The following SAMD5 variants were observed in gnomAD, a reference collection of about 807,000 sequenced individuals.
The protein encoded by SAMD5 is sterile alpha motif domain containing 5, also known as sterile alpha motif domain-containing protein 5.
Under a neutral mutation model 11.3 loss-of-function variants are expected in SAMD5, and 13 were observed. The ratio of observed to expected loss-of-function variants is 1.15; its 90% CI spans 0.75 to 1.83. The LOEUF (loss-of-function observed/expected upper bound fraction) is 1.83. Among genes scored for constraint, SAMD5 ranks in the 40% most tolerant of loss-of-function variants. The pLI, the probability that SAMD5 is intolerant of heterozygous loss-of-function variation, is 0.00. For missense variants in SAMD5, 255 were observed against 239.1 expected (o/e 1.07, Z -0.44); for synonymous variants, 129 against 111.3 (o/e 1.16, Z -1.00).
chr6:147,708,036 A>G (rs1583147914), intron 1 of SAMD5, among the ~76,000 whole-genome samples: 1 of 152,088 alleles, frequency 6.6e-6, no homozygotes, highest in Admixed American at 6.5e-5. Flanking sequence ...AGGTGAGGCT[A>G]TTATACCTGT....
intron 1 of SAMD5, among the ~76,000 whole-genome samples, chr6:147,546,561 G>A (rs1788690965): frequency 6.9e-6 from 1 of 145,416 alleles, no homozygotes; most frequent in Admixed American, 7.0e-5. Context: ...AGGCCTGGAA[G>A]TGACTTCTGT....
At chr6:147,713,617 C>T (rs1254582415) in intron 1 of SAMD5, among the ~76,000 whole-genome samples, 1 of 152,156 alleles carries the variant, frequency 6.6e-6, no homozygotes, top group East Asian at 1.9e-4. Flanking sequence ...TAGAAGAGAT[C>T]ATAGTGTCTA....
chr6:147,749,480 T>C, the SAMD5 span, among the ~76,000 whole-genome samples: 1 of 152,160 alleles, frequency 6.6e-6, no homozygotes, highest in African/African-American at 2.4e-5. Context: ...TTAGTAATAA[T>C]TTGTTGGGAG....
chr6:147,610,217 G>A (rs1789762263), intron 1 of SAMD5, among the ~76,000 whole-genome samples: 1 of 152,178 alleles, frequency 6.6e-6, no homozygotes, highest in African/African-American at 2.4e-5. Context: ...TAAACACACA[G>A]CAAAAGGAAG....
In SAMD5 at chr6:147,674,827, C is replaced by T. The variant is rs541363884; in HGVS notation, c.163-62490C>T. 2.0e-5 allele frequency among the ~76,000 whole-genome samples: 3 copies of T among 152,292 alleles called. No homozygotes were observed. In the South Asian group the frequency reaches 6.2e-4, roughly 32 times the overall value. On this transcript the variant is annotated intron_variant, in intron 1 of 1. Coordinates refer to the SAMD5 transcript ENST00000566741. ...AGAGACAGCTGAACAAAGAAACTGC[C>T]CACTCTCCTTCTGCTGTTTCCCCTT...
chr6:147,770,331 A>G, the SAMD5 span, among the ~76,000 whole-genome samples: 17 of 152,172 alleles, frequency 1.1e-4, no homozygotes, highest in Non-Finnish European at 2.1e-4. Context: ...CCACGTAGGG[A>G]AAGAGATTAA....
At chr6:147,609,189 G>C (rs915233269) in intron 1 of SAMD5, among the ~76,000 whole-genome samples, 1 of 152,144 alleles carries the variant, frequency 6.6e-6, no homozygotes, top group African/African-American at 2.4e-5. Flanking sequence ...AGATAATCAA[G>C]TTAAAACAAG....
At chr6:147,939,936 G>A in the SAMD5 span, among the ~76,000 whole-genome samples, 109 of 152,216 alleles carry the variant, frequency 7.2e-4, no homozygotes, top group African/African-American at 2.5e-3. Flanking sequence ...CATCTGGGAG[G>A]GAACTAGCTC....
At chr6:147,918,979 A>G in the SAMD5 span, among the ~76,000 whole-genome samples, 1 of 152,190 alleles carries the variant, frequency 6.6e-6, no homozygotes, top group Non-Finnish European at 1.5e-5. Flanking sequence ...TGCTGGAATT[A>G]CAGGCATGAG....
At chr6:147,924,526 G>T in the SAMD5 span, among the ~76,000 whole-genome samples, 7 of 152,038 alleles carry the variant, frequency 4.6e-5, no homozygotes, top group East Asian at 1.2e-3. Flanking sequence ...TTAAATCTAA[G>T]TTGGCATATG....
chr6:147,865,031 T>C, the SAMD5 span, among the ~76,000 whole-genome samples: 2 of 152,288 alleles, frequency 1.3e-5, no homozygotes, highest in Admixed American at 6.5e-5. Flanking sequence ...ATCAAAAACC[T>C]CCATTAGGGA....
At chr6:147,599,091 C>T (rs563851316) in intron 1 of SAMD5, among the ~76,000 whole-genome samples, 23 of 152,122 alleles carry the variant, frequency 1.5e-4, no homozygotes, top group Admixed American at 3.3e-4. Flanking sequence ...GGGAGAGTTC[C>T]AAGAGGCAAG....
At chr6:147,603,659 A>G (rs1177651369) in intron 1 of SAMD5, among the ~76,000 whole-genome samples, 1 of 152,180 alleles carries the variant, frequency 6.6e-6, no homozygotes, top group Non-Finnish European at 1.5e-5. Context: ...GTGTAAAGCC[A>G]AGTCTGGAAC....
chr6:147,650,637 G>T (rs1790470359), intron 1 of SAMD5, among the ~76,000 whole-genome samples: 1 of 152,236 alleles, frequency 6.6e-6, no homozygotes, highest in South Asian at 2.1e-4. Context: ...AGGTGTATCT[G>T]ATGTGATTAA....
chr6:147,613,395 T>C (rs1427092638), intron 1 of SAMD5, among the ~76,000 whole-genome samples: 1 of 151,894 alleles, frequency 6.6e-6, no homozygotes, highest in Non-Finnish European at 1.5e-5. Context: ...GTCAAACTTC[T>C]GGCCCCCTTT....
At chr6:147,720,801 A>C (rs1791540126) in intron 1 of SAMD5, among the ~76,000 whole-genome samples, 1 of 143,724 alleles carries the variant, frequency 7.0e-6, no homozygotes. Context: ...GCACCCACTA[A>C]CTCGTCATCT....
the SAMD5 span, among the ~76,000 whole-genome samples, chr6:147,742,650 G>A: frequency 6.6e-6 from 1 of 152,156 alleles, no homozygotes; most frequent in Non-Finnish European, 1.5e-5. Flanking sequence ...GCTGAAGGGG[G>A]CAGTACTCTA....
intron 1 of SAMD5, among the ~76,000 whole-genome samples, chr6:147,651,186 C>T (rs1357730631): frequency 2.0e-5 from 3 of 152,204 alleles, no homozygotes; most frequent in Non-Finnish European, 2.9e-5. Flanking sequence ...ATTCCCCATT[C>T]TTTCCCTTTC....
chr6:147,631,600 G>A lies in SAMD5; in HGVS notation c.163-105717G>A, dbSNP rs139049826. Among the ~76,000 whole-genome samples, 129 of 152,288 alleles carry A rather than the reference G, an allele frequency of 8.5e-4. 1 individual carries two copies. The highest frequency in any genetic ancestry group is 2.8e-3 in the African/African-American group (116 of 41,564). ...TGTATAGAGGTGGGAAGGCCAAACC[G>A]AGGAATTATATCTGACAGAAGGGAA... On this transcript the variant is annotated intron_variant, in intron 1 of 1. Coordinates refer to the SAMD5 transcript ENST00000566741.
Sources: allele counts gnomAD v4.1 joint callset (sites outside exome capture counted in the v4.1 genomes callset), GRCh38; gene constraint gnomAD v4.1.1; transcripts MANE v1.5; gene names NCBI Gene and HGNC (gene_info 2026-07-23, HGNC 2026-07-21).